Variants in IL1RAPL1 observed in about 807,000 individuals in gnomAD.
The protein encoded by IL1RAPL1 is interleukin-1 receptor accessory protein-like 1.
IL1RAPL1 carries 3 observed loss-of-function variants against 48.4 expected under a neutral mutation model. That is an observed-to-expected ratio of 0.06 (90% CI 0.03 to 0.16). The LOEUF (loss-of-function observed/expected upper bound fraction) is 0.16. Among genes scored for constraint, IL1RAPL1 ranks in the 10% least tolerant of loss-of-function variants. The pLI is 1.00. For synonymous variants in IL1RAPL1, 185 were observed against 187.7 expected (o/e 0.99, Z 0.12); for missense variants, 349 against 530.6 (o/e 0.66, Z 3.36).
intron 5 of IL1RAPL1, among the ~76,000 whole-genome samples, chrX:29,420,422 G>A (rs1934277144): frequency 1.8e-5 from 2 of 112,397 alleles, no homozygotes; most frequent in African/African-American, 6.5e-5. Context: ...GCACTTACCA[G>A]ATCTCTGAAT....
At chrX:29,895,073 C>T (rs1426351228) in intron 6 of IL1RAPL1, among the ~76,000 whole-genome samples, 2 of 109,136 alleles carry the variant, frequency 1.8e-5, no homozygotes, top group African/African-American at 6.7e-5. Flanking sequence ...ATCCACCCAC[C>T]TCGGCCTCCC....
At chrX:29,756,313 A>T (rs1928612792) in intron 6 of IL1RAPL1, among the ~76,000 whole-genome samples, 2 of 112,253 alleles carry the variant, frequency 1.8e-5, no homozygotes, top group Admixed American at 1.9e-4. Flanking sequence ...TTTAATAATG[A>T]TTATTTCCAG....
chrX:29,700,005 T>C (rs1331399067), intron 6 of IL1RAPL1, among the ~76,000 whole-genome samples: 1 of 111,869 alleles, frequency 8.9e-6, no homozygotes, highest in African/African-American at 3.2e-5. Flanking sequence ...CTGTTGTCCA[T>C]ACTTGGTATC....
intron 5 of IL1RAPL1, among the ~76,000 whole-genome samples, chrX:29,490,865 T>TATATACGTATATATA (rs778859346): frequency 9.3e-6 from 1 of 107,614 alleles, no homozygotes; most frequent in African/African-American, 3.5e-5. Flanking sequence ...TATATATATA[T>TATATACGTATATATA]TCTGAGTGTG....
rs903745774 is a variant in IL1RAPL1, at chrX:29,890,754, T to A, written c.779-26710T>A. On this transcript the variant is annotated intron_variant, in intron 6 of 10. Coordinates refer to ENST00000378993, the MANE Select transcript of IL1RAPL1 (RefSeq NM_014271.4). ...CCACAGCTTTCCCATAGGCTCTACC[T>A]GCCTTTTAGTGTCTAGAACACACTC... Among the ~76,000 whole-genome samples the A allele has an allele frequency of 8.0e-5, 9 of 111,852 alleles. No homozygotes were observed. The Admixed American group carries it at 8.6e-4, about 11-fold the overall frequency.
At chrX:29,350,191 T>TTTTATATATATA (rs1933204748) in intron 3 of IL1RAPL1, among the ~76,000 whole-genome samples, 2 of 39,432 alleles carry the variant, frequency 5.1e-5, no homozygotes, top group African/African-American at 3.5e-4. Flanking sequence ...TACTGTTATT[T>TTTTATATATATA]TATATATATA....
At chrX:28,736,223 G>C (rs2146949481) in intron 1 of IL1RAPL1, among the ~76,000 whole-genome samples, 1 of 110,344 alleles carries the variant, frequency 9.1e-6, no homozygotes, top group South Asian at 3.9e-4. Flanking sequence ...CACAAGGTCA[G>C]GAGTTCGAGA....
intron 6 of IL1RAPL1, among the ~76,000 whole-genome samples, chrX:29,716,160 G>A (rs1406499915): frequency 9.0e-6 from 1 of 111,325 alleles, no homozygotes. Flanking sequence ...GAGAGCTCAG[G>A]TGAAACTGGG....
chrX:29,410,175 A>T (rs932799401), intron 5 of IL1RAPL1, among the ~76,000 whole-genome samples: 1 of 109,340 alleles, frequency 9.1e-6, no homozygotes, highest in African/African-American at 3.3e-5. Context: ...AAATTTTTCC[A>T]GTGCTCGCCA....
intron 5 of IL1RAPL1, among the ~76,000 whole-genome samples, chrX:29,479,376 C>G (rs1035912454): frequency 1.1e-5 from 1 of 91,268 alleles, no homozygotes; most frequent in African/African-American, 4.4e-5. Context: ...GGTTGCGTCA[C>G]TGCACTCCAG....
intron 2 of IL1RAPL1, among the ~76,000 whole-genome samples, chrX:28,969,646 T>C (rs1251810289): frequency 2.7e-5 from 3 of 110,078 alleles, no homozygotes; most frequent in Non-Finnish European, 5.7e-5. Context: ...TAAAATATTA[T>C]AGGTTTTAGA....
At chrX:28,956,562 A>G (rs1463336562) in intron 2 of IL1RAPL1, among the ~76,000 whole-genome samples, 1 of 103,043 alleles carries the variant, frequency 9.7e-6, no homozygotes, top group Non-Finnish European at 2.0e-5. Flanking sequence ...GCTGGATTAC[A>G]TTTATTGATT....
At chrX:29,592,778 GC>G (rs10714091) in intron 5 of IL1RAPL1, among the ~76,000 whole-genome samples, 37,631 of 108,839 alleles carry the variant, frequency 0.35, 4,786 homozygotes, top group South Asian at 0.53. Context: ...GCCGAGAGGA[GC>G]CCCCCTCACC....
chrX:29,635,427 A>G (rs1002579603), intron 5 of IL1RAPL1, among the ~76,000 whole-genome samples: 2 of 112,188 alleles, frequency 1.8e-5, no homozygotes, highest in African/African-American at 6.5e-5. Flanking sequence ...AATGTCTTCA[A>G]AGTTTCGAGA....
chrX:29,274,774 C>T (rs184308955), intron 2 of IL1RAPL1, among the ~76,000 whole-genome samples: 6 of 111,390 alleles, frequency 5.4e-5, no homozygotes, highest in Non-Finnish European at 1.1e-4. Context: ...ACTTATCTCT[C>T]GCCTTGAATC....
intron 1 of IL1RAPL1, among the ~76,000 whole-genome samples, chrX:28,668,543 C>T (rs1429774702): frequency 8.8e-6 from 1 of 113,511 alleles, no homozygotes; most frequent in Non-Finnish European, 1.9e-5. Context: ...TAGGCGTGAG[C>T]CACCGCACCC....
intron 1 of IL1RAPL1, among the ~76,000 whole-genome samples, chrX:28,636,784 C>T (rs931684133): frequency 9.9e-4 from 111 of 111,850 alleles, no homozygotes; most frequent in African/African-American, 3.5e-3. Context: ...CAGAAGTTTT[C>T]CCCAAAATGC....
chrX:28,891,595 T>A (rs55640441), intron 2 of IL1RAPL1, among the ~76,000 whole-genome samples: 4,973 of 112,160 alleles, frequency 0.044, 116 homozygotes, highest in South Asian at 0.085. Flanking sequence ...TAGCACACTA[T>A]AATCCAAAGT....
chrX:29,339,104 A>ACACG (rs1933037923), intron 3 of IL1RAPL1, among the ~76,000 whole-genome samples: 1 of 110,028 alleles, frequency 9.1e-6, no homozygotes, highest in Admixed American at 9.8e-5. Flanking sequence ...ACACACACAC[A>ACACG]CACACACACG....
Sources: gnomAD v4.1 joint callset for allele counts (sites outside exome capture counted in the v4.1 genomes callset) on GRCh38, gnomAD v4.1.1 for gene constraint, MANE v1.5 for transcripts, NCBI Gene and HGNC (gene_info 2026-07-23, HGNC 2026-07-21) for gene names.